PTPN13: variants seen among roughly 807,000 people sequenced by gnomAD.
PTPN13 encodes the protein tyrosine-protein phosphatase non-receptor type 13.
PTPN13 carries 191 observed loss-of-function variants against 284.0 expected under a neutral mutation model. The observed-to-expected ratio is 0.67, with a 90% confidence interval of 0.60 to 0.76. PTPN13 has a LOEUF of 0.76. PTPN13 is among the 30% of genes least tolerant of loss of function. The pLI, the probability that PTPN13 is intolerant of heterozygous loss-of-function variation, is 0.00. For synonymous variants in PTPN13, 986 were observed against 1,022.3 expected (o/e 0.96, Z 0.68); for missense variants, 2,797 against 2,939.9 (o/e 0.95, Z 1.12).
rs368622679 is a variant in PTPN13 at position 86,635,386 on chromosome 4, C to A, written c.115+15C>A. On this transcript the variant is annotated intron_variant, in intron 2 of 47. Coordinates refer to ENST00000411767, the MANE Select transcript of PTPN13 (RefSeq NM_080683.3). The stretch of plus-strand genomic sequence containing the variant: ...ATTCAGAAAAGGTAAGCTGCTGCTG[C>A]TGCTGCTGTTGTTGTTGTTGTTTCA... 3.8e-6 allele frequency: 6 copies of A among 1,574,554 alleles called. No individual in the cohort carries two copies. The highest frequency in any genetic ancestry group is 1.2e-5 in the South Asian group (1 of 85,658).
chr4:86,774,835 T>C (rs773462761), intron 33 of PTPN13, among the ~76,000 whole-genome samples: 2 of 151,916 alleles, frequency 1.3e-5, no homozygotes, highest in Non-Finnish European at 2.9e-5. Context: ...ATTTACAAAT[T>C]TGAAAGTCCC....
Position 86,763,121 on chromosome 4 carries a change from A to C in PTPN13, c.3948A>C (p.Ser1316=), listed in dbSNP as rs1738893804. 2 of 1,613,852 alleles carry C rather than the reference A, an allele frequency of 1.2e-6. No homozygotes were observed. The highest frequency in any genetic ancestry group is 2.2e-5 in the South Asian group (2 of 91,076). Residue 1316 remains serine, a synonymous_variant, in exon 24 of 48, where the codon TCA becomes TCC. Transcript: ENST00000411767. ...GCATTTCTGATGTAACTGATTACTC[A>C]GACCGTGGAGATTCAGACATGGATG... ...KPGISDVTDY[S]DRGDSDMDEA... is the part of the protein sequence containing the mutation.
At chr4:86,708,152 T>G (rs918581420) in intron 7 of PTPN13, among the ~76,000 whole-genome samples, 1 of 152,176 alleles carries the variant, frequency 6.6e-6, no homozygotes, top group African/African-American at 2.4e-5. Flanking sequence ...GTAGTGCAAC[T>G]GAGGAACTGA....
intron 39 of PTPN13, 54 bp from the exon 40 acceptor site, chr4:86,785,793 TC>T (rs1480025607): frequency 1.7e-6 from 2 of 1,153,284 alleles, no homozygotes; most frequent in African/African-American, 3.2e-5. Flanking sequence ...TGAAAACTTT[TC>T]TACTTCCTCA....
intron 2 of PTPN13, among the ~76,000 whole-genome samples, chr4:86,670,108 A>G (rs148230731): frequency 3.3e-5 from 5 of 150,518 alleles, no homozygotes; most frequent in African/African-American, 1.2e-4. Context: ...GAGAAGGCGC[A>G]GTCTTTGTGT....
intron 1 of PTPN13, among the ~76,000 whole-genome samples, chr4:86,613,836 A>G (rs1220740004): frequency 1.3e-5 from 2 of 152,120 alleles, no homozygotes; most frequent in African/African-American, 2.4e-5. Context: ...CTCTCACTAC[A>G]TTCTGTCTCA....
At chr4:86,598,053 A>C (rs1363985259) in intron 1 of PTPN13, among the ~76,000 whole-genome samples, 1 of 152,146 alleles carries the variant, frequency 6.6e-6, no homozygotes, top group Non-Finnish European at 1.5e-5. Flanking sequence ...AGTGTGGAGG[A>C]CTGCTGTCTG....
At chr4:86,695,646 C>G (rs185733642) in intron 6 of PTPN13, among the ~76,000 whole-genome samples, 4 of 151,792 alleles carry the variant, frequency 2.6e-5, no homozygotes. Flanking sequence ...TATTTTCTCC[C>G]TCTCTTTCTT....
intron 7 of PTPN13, among the ~76,000 whole-genome samples, chr4:86,703,048 G>A (rs192674438): frequency 9.5e-4 from 145 of 152,222 alleles, no homozygotes; most frequent in Admixed American, 1.8e-3. Flanking sequence ...TTGAGTAAAA[G>A]AAGCTTTGCA....
In PTPN13 at chr4:86,728,665, T is replaced by A. The variant is rs1222418313; in HGVS notation, c.1609-3735T>A. On this transcript the variant is annotated intron_variant, in intron 10 of 47. Transcript: ENST00000411767. Reference sequence around the variant, plus strand: ...TGCCTTTTTTTTTTTTTTTTTTTTTTTTTTTTTTTTTTGCTTTCCATTTGC... The same window carrying A: ...TGCCTTTTTTTTTTTTTTTTTTTTTATTTTTTTTTTTTGCTTTCCATTTGC... Among the ~76,000 whole-genome samples, 269 of 112,784 alleles carry A rather than the reference T, an allele frequency of 2.4e-3. 7 individuals carry two copies. Among genetic ancestry groups the A allele is most frequent in the African/African-American group, 8.0e-3 (246 of 30,778 alleles). 74.0% of individuals were successfully genotyped at this position (112,784 alleles called of 152,430 possible).
At chr4:86,636,493 G>C (rs1723036045) in intron 2 of PTPN13, among the ~76,000 whole-genome samples, 1 of 152,124 alleles carries the variant, frequency 6.6e-6, no homozygotes, top group Non-Finnish European at 1.5e-5. Context: ...GCATACATCA[G>C]ACACAAAAAA....
At chr4:86,754,947 A>G (rs1737802249) in intron 20 of PTPN13, among the ~76,000 whole-genome samples, 1 of 152,090 alleles carries the variant, frequency 6.6e-6, no homozygotes, top group African/African-American at 2.4e-5. Context: ...AATCTGGCCA[A>G]GTAGCCTGAA....
chr4:86,636,323 G>C (rs927566838), intron 2 of PTPN13, among the ~76,000 whole-genome samples: 2 of 152,204 alleles, frequency 1.3e-5, no homozygotes, highest in African/African-American at 2.4e-5. Flanking sequence ...AGAAAAGTTA[G>C]AATCATCCTT....
chr4:86,611,293 T>C (rs545292854), intron 1 of PTPN13, among the ~76,000 whole-genome samples: 1 of 152,334 alleles, frequency 6.6e-6, no homozygotes, highest in South Asian at 2.1e-4. Flanking sequence ...ATTACTTCTT[T>C]TAAAATTGCT....
At chr4:86,747,706 C>T (rs1736941112) in intron 17 of PTPN13, among the ~76,000 whole-genome samples, 1 of 152,166 alleles carries the variant, frequency 6.6e-6, no homozygotes, top group Non-Finnish European at 1.5e-5. Flanking sequence ...GGTTTACCCC[C>T]AGGATCACAA....
intron 10 of PTPN13, among the ~76,000 whole-genome samples, chr4:86,728,307 G>A (rs1214387133): frequency 6.7e-6 from 1 of 149,500 alleles, no homozygotes; most frequent in African/African-American, 2.4e-5. Context: ...TTGGGGTGGT[G>A]AGTTCTGGAT....
intron 16 of PTPN13, among the ~76,000 whole-genome samples, chr4:86,742,826 C>T (rs10001986): frequency 0.082 from 12,446 of 152,122 alleles, 646 homozygotes; most frequent in Non-Finnish European, 0.11. Context: ...AGTTTTGGAC[C>T]GTTTTGAAAA....
Position 86,672,479 on chromosome 4 carries a change from G to T in PTPN13, c.230G>T (p.Arg77Leu). The T allele has an allele frequency of 6.2e-7, 1 of 1,604,426 alleles. No individual in the cohort carries two copies. The highest frequency in any genetic ancestry group is 2.2e-5 in the East Asian group (1 of 44,664). The stretch of plus-strand genomic sequence containing the variant: ...GAAAATATTTCCAATCAGGATCTTC[G>T]AGCATTCACTGCACCAGAGGTTCTT... ...TDENISNQDL[R>L]AFTAPEVLQN... is the part of the protein sequence containing the mutation. The change falls in exon 3 of 48, where the codon CGA (arginine) becomes CTA (leucine). Residue 77 changes from arginine (R) to leucine (L), a missense_variant. Arg to Leu is a moderately radical substitution (Grantham distance 102). Coordinates refer to ENST00000411767, the MANE Select transcript of PTPN13 (RefSeq NM_080683.3).
At chr4:86,759,367 TG>T (rs1218751971) in intron 23 of PTPN13, among the ~76,000 whole-genome samples, 1 of 152,238 alleles carries the variant, frequency 6.6e-6, no homozygotes, top group African/African-American at 2.4e-5. Context: ...CATATCATTT[TG>T]TCTCATTATC....
Sources: gnomAD v4.1 joint callset for allele counts (sites outside exome capture counted in the v4.1 genomes callset) on GRCh38, gnomAD v4.1.1 for gene constraint, MANE v1.5 for transcripts, NCBI Gene and HGNC (gene_info 2026-07-23, HGNC 2026-07-21) for gene names.